Variants in CLIP2 observed in about 807,000 individuals in gnomAD.
CLIP2 encodes the protein CAP-Gly domain containing linker protein 2, also known as CAP-Gly domain-containing linker protein 2.
A neutral mutation model predicts 111.7 loss-of-function variants in CLIP2; 41 were observed. The ratio of observed to expected loss-of-function variants is 0.37; its 90% CI spans 0.29 to 0.48. The LOEUF is 0.48. Among genes scored for constraint, CLIP2 ranks in the 20% least tolerant of loss-of-function variants. The probability of loss-of-function intolerance (pLI) is 0.99; values close to 1 mark genes in which losing one functional copy is unlikely to be tolerated. For missense variants in CLIP2, 1,160 were observed against 1,422.1 expected (o/e 0.82, Z 2.96); for synonymous variants, 660 against 644.2 (o/e 1.02, Z -0.37).
intron 1 of CLIP2, among the ~76,000 whole-genome samples, chr7:74,296,543 A>C (rs1788173640): frequency 6.6e-6 from 1 of 151,706 alleles, no homozygotes; most frequent in Non-Finnish European, 1.5e-5. Flanking sequence ...TAATCCCAGC[A>C]CTTTGGGAGG....
chr7:74,296,629 A>G (rs1337887922), intron 1 of CLIP2, among the ~76,000 whole-genome samples: 1 of 150,876 alleles, frequency 6.6e-6, no homozygotes, highest in East Asian at 1.9e-4. Context: ...TTCTACTAAA[A>G]AGATAAAAAA....
Position 74,346,718 on chromosome 7 carries a change from CA to C in CLIP2, c.679-7138del, listed in dbSNP as rs1214324954. ...AGCCTGGGAGACAGAGTAAGATTCTCAAAAAAAAAAAAAAAAAAAAAAAACA... is the reference window on the plus strand; with the variant it reads ...AGCCTGGGAGACAGAGTAAGATTCTCAAAAAAAAAAAAAAAAAAAAAAACA... On this transcript the variant is annotated intron_variant, in intron 3 of 16. Transcript: ENST00000223398. Among the ~76,000 whole-genome samples, 78 of 56,022 alleles carry C rather than the reference CA, an allele frequency of 1.4e-3. 2 individuals are homozygous for C. In the East Asian group the frequency reaches 0.019, roughly 13 times the overall value. The allele number at this position is 56,022 out of a possible 152,430, so 36.8% of individuals were successfully genotyped here.
At chr7:74,311,759 A>G (rs540962931) in intron 1 of CLIP2, among the ~76,000 whole-genome samples, 7 of 152,096 alleles carry the variant, frequency 4.6e-5, no homozygotes, top group African/African-American at 1.7e-4. Flanking sequence ...AAAATAAAAA[A>G]CAATTAGCCA....
intron 3 of CLIP2, among the ~76,000 whole-genome samples, chr7:74,342,844 G>A (rs1034890578): frequency 1.4e-4 from 22 of 152,020 alleles, no homozygotes; most frequent in Non-Finnish European, 2.2e-4. Context: ...TCAGGAGATC[G>A]AGACCATGGT....
chr7:74,359,580 C>A (rs1790264966), intron 6 of CLIP2, among the ~76,000 whole-genome samples: 1 of 152,088 alleles, frequency 6.6e-6, no homozygotes, highest in Admixed American at 6.6e-5. Context: ...TGGTCTCAAT[C>A]TCCTGACCTT....
chr7:74,371,930 G>C (rs1269600022), intron 8 of CLIP2, among the ~76,000 whole-genome samples: 2 of 152,074 alleles, frequency 1.3e-5, no homozygotes, highest in African/African-American at 4.8e-5. Flanking sequence ...ACAAGCTTCC[G>C]GGGTTTTATT....
At chr7:74,340,214 G>A (rs1789618854) in intron 3 of CLIP2, among the ~76,000 whole-genome samples, 1 of 152,158 alleles carries the variant, frequency 6.6e-6, no homozygotes, top group Admixed American at 6.6e-5. Context: ...TTGCCAACAT[G>A]GCGAAACACC....
Position 74,356,595 on chromosome 7 carries a change from T to A in CLIP2, c.989T>A (p.Val330Glu), listed in dbSNP as rs1562707109. The A allele has an allele frequency of 6.2e-7, 1 of 1,613,780 alleles. No individual in the cohort carries two copies. The change falls in exon 5 of 17, where the codon GTG becomes GAG. Residue 330 changes from valine to glutamate, a missense_variant. Val to Glu is a moderately radical substitution (Grantham distance 121). This residue lies in a region of CLIP2 where 110 missense variants were observed against 185.2 expected (regional missense o/e 0.59). Coordinates refer to ENST00000223398, the MANE Select transcript of CLIP2 (RefSeq NM_003388.5). ...ISSVSSVASS[V>E]GGRPSRSGLL... ...TCCGTCAGCTCTGTGGCCTCCTCCG[T>A]GGGGGGTCGGCCCAGCCGCAGTGGC...
At chr7:74,312,026 A>G (rs1788654186) in intron 1 of CLIP2, among the ~76,000 whole-genome samples, 1 of 151,966 alleles carries the variant, frequency 6.6e-6, no homozygotes. Flanking sequence ...CAGGTGGATC[A>G]TTTGAGGTCA....
At chr7:74,388,957 A>G in intron 12 of CLIP2, 146 bp from the exon 13 acceptor site, 1 of 973,066 alleles carries the variant, frequency 1.0e-6, no homozygotes, top group South Asian at 1.8e-5. Flanking sequence ...CCCAATCTCT[A>G]AAAAAACCGT....
chr7:74,309,508 A>T (rs1473214136), intron 1 of CLIP2, among the ~76,000 whole-genome samples: 2 of 152,098 alleles, frequency 1.3e-5, no homozygotes, highest in African/African-American at 4.8e-5. Context: ...ATATGAACGG[A>T]TTCATACAAT....
intron 8 of CLIP2, among the ~76,000 whole-genome samples, chr7:74,372,007 T>TAACCCCTTCTCTCCTGG (rs1554311962): frequency 6.6e-6 from 1 of 152,148 alleles, no homozygotes; most frequent in Non-Finnish European, 1.5e-5. Context: ...GCAGCTGCTT[T>TAACCCCTTCTCTCCTGG]AACCCCTTCT....
chr7:74,368,711 A>C (rs1790524539), intron 8 of CLIP2, among the ~76,000 whole-genome samples: 1 of 152,054 alleles, frequency 6.6e-6, no homozygotes, highest in Non-Finnish European at 1.5e-5. Context: ...CTCCACACTG[A>C]ATCTAGTCTT....
chr7:74,388,342 C>G (rs7785856), intron 12 of CLIP2, among the ~76,000 whole-genome samples: 1 of 151,584 alleles, frequency 6.6e-6, no homozygotes, highest in South Asian at 2.1e-4. Context: ...CACACACACA[C>G]AAAAACAATT....
chr7:74,304,387 A>G (rs1788419607), intron 1 of CLIP2, among the ~76,000 whole-genome samples: 1 of 151,932 alleles, frequency 6.6e-6, no homozygotes, highest in Non-Finnish European at 1.5e-5. Flanking sequence ...TTAGCTGGGC[A>G]TGATGGCAGA....
At chr7:74,372,818 C>T (rs1335396089) in intron 8 of CLIP2, 114 bp from the exon 9 acceptor site, 6 of 689,006 alleles carry the variant, frequency 8.7e-6, no homozygotes, top group East Asian at 5.5e-5. Flanking sequence ...CGGAAGATGA[C>T]GCCTCCTCTC....
intron 8 of CLIP2, among the ~76,000 whole-genome samples, chr7:74,365,889 G>T (rs560563359): frequency 6.6e-6 from 1 of 152,180 alleles, no homozygotes; most frequent in South Asian, 2.1e-4. Flanking sequence ...AAGTAGCTAG[G>T]ACTACAGGCG....
At position 74,338,239 on chromosome 7, in the gene CLIP2, C is replaced by T. The variant is rs1320914412; in HGVS notation, c.122-209C>T. On this transcript the variant is annotated intron_variant, in intron 2 of 16. Coordinates refer to ENST00000223398, the MANE Select transcript of CLIP2 (RefSeq NM_003388.5). The surrounding 1 kb of genome is among the most constrained non-coding windows in gnomAD (Gnocchi z 4.3). ...AACAGGGGTTGGGTGTGGTGCCTCA[C>T]GCCTGTAATCCCAGCAATTTGGGAA... Among the ~76,000 whole-genome samples the T allele has an allele frequency of 3.9e-5, 6 of 152,054 alleles. No individual in the cohort carries two copies. The highest frequency in any genetic ancestry group is 4.2e-4 in the South Asian group (2 of 4,816).
chr7:74,347,584 A>C (rs1048418377), intron 3 of CLIP2, among the ~76,000 whole-genome samples: 11 of 152,054 alleles, frequency 7.2e-5, no homozygotes, highest in Admixed American at 2.0e-4. Context: ...GCTGTACTCT[A>C]AGTCCCCCTT....
Sources: gnomAD v4.1 joint callset for allele counts (sites outside exome capture counted in the v4.1 genomes callset) on GRCh38, gnomAD v4.1.1 for gene constraint, gnomAD v4.1.1 regional missense constraint, Gnocchi (gnomAD v3.1) non-coding constraint, MANE v1.5 for transcripts, NCBI Gene and HGNC (gene_info 2026-07-23, HGNC 2026-07-21) for gene names.